Variants in TRPM3 observed in about 807,000 individuals in gnomAD.
The protein encoded by TRPM3 is long transient receptor potential channel 3.
In TRPM3, 77 loss-of-function variants were observed where a neutral mutation model predicts 181.2. The ratio of observed to expected loss-of-function variants is 0.42; its 90% confidence interval spans 0.35 to 0.51. The LOEUF (loss-of-function observed/expected upper bound fraction) is 0.51. TRPM3 is among the 20% of genes least tolerant of loss of function. The pLI, the probability that TRPM3 is intolerant of heterozygous loss-of-function variation, is 0.01. For missense variants in TRPM3, 1,759 were observed against 2,196.7 expected (o/e 0.80, Z 3.98); for synonymous variants, 745 against 796.4 (o/e 0.94, Z 1.09).
At chr9:70,925,690 G>T (rs2096714301) in intron 1 of TRPM3, among the ~76,000 whole-genome samples, 1 of 151,762 alleles carries the variant, frequency 6.6e-6, no homozygotes, top group Non-Finnish European at 1.5e-5. Context: ...TATATGCTGG[G>T]GTATCAGCAG....
At chr9:71,101,610 A>G (rs1253565698) in intron 1 of TRPM3, among the ~76,000 whole-genome samples, 1 of 152,184 alleles carries the variant, frequency 6.6e-6, no homozygotes, top group African/African-American at 2.4e-5. Flanking sequence ...ATATCACACA[A>G]AAAGTCTTTC....
intron 1 of TRPM3, among the ~76,000 whole-genome samples, chr9:71,365,096 C>T (rs2092292459): frequency 6.6e-6 from 1 of 152,144 alleles, no homozygotes; most frequent in African/African-American, 2.4e-5. Context: ...CTGACAAGGA[C>T]TTAAGCGCAG....
intron 1 of TRPM3, among the ~76,000 whole-genome samples, chr9:70,899,829 A>G (rs2096357672): frequency 6.6e-6 from 1 of 152,326 alleles, no homozygotes; most frequent in Non-Finnish European, 1.5e-5. Flanking sequence ...TCATGTTTGC[A>G]TAGAGAAGAT....
At chr9:71,117,721 C>A (rs961031433) in intron 1 of TRPM3, among the ~76,000 whole-genome samples, 6 of 152,092 alleles carry the variant, frequency 3.9e-5, no homozygotes, top group Admixed American at 6.5e-5. Context: ...TTAAAGTGAG[C>A]AAACTCATAT....
intron 1 of TRPM3, among the ~76,000 whole-genome samples, chr9:71,184,313 C>A (rs546139832): frequency 6.6e-6 from 1 of 152,138 alleles, no homozygotes; most frequent in Non-Finnish European, 1.5e-5. Flanking sequence ...CTTTACTCAA[C>A]GCTCATCCTT....
chr9:70,635,066 C>G (rs2074543561), intron 12 of TRPM3, 145 bp downstream of exon 12: 3 of 620,198 alleles, frequency 4.8e-6, no homozygotes, highest in Non-Finnish European at 8.4e-6. Context: ...CACATACACA[C>G]ACACACACAC....
intron 1 of TRPM3, among the ~76,000 whole-genome samples, chr9:71,102,281 G>T (rs138702239): frequency 2.4e-4 from 36 of 152,268 alleles, no homozygotes; most frequent in African/African-American, 8.7e-4. Context: ...ATTTCTAAGG[G>T]CTGAGAATGA....
chr9:70,835,186 G>A (rs1160233180), intron 5 of TRPM3, among the ~76,000 whole-genome samples: 1 of 152,030 alleles, frequency 6.6e-6, no homozygotes, highest in Non-Finnish European at 1.5e-5. Context: ...CAGGCATTAT[G>A]TTTCTCTTAC....
intron 1 of TRPM3, among the ~76,000 whole-genome samples, chr9:70,972,212 A>G (rs2097254503): frequency 6.6e-6 from 1 of 152,260 alleles, no homozygotes. Flanking sequence ...TATACAATAC[A>G]ACGAAATATT....
intron 1 of TRPM3, among the ~76,000 whole-genome samples, chr9:71,205,827 T>C (rs2079089568): frequency 6.6e-6 from 1 of 152,220 alleles, no homozygotes; most frequent in Non-Finnish European, 1.5e-5. Context: ...TTGAACTGTC[T>C]ACTGATAGTT....
chr9:71,037,459 T>C (rs2058342233), intron 1 of TRPM3, among the ~76,000 whole-genome samples: 1 of 152,266 alleles, frequency 6.6e-6, no homozygotes, highest in African/African-American at 2.4e-5. Context: ...AACATTTTTA[T>C]GTAAATATGT....
intron 1 of TRPM3, among the ~76,000 whole-genome samples, chr9:71,112,795 G>A (rs2071416069): frequency 6.6e-6 from 1 of 152,158 alleles, no homozygotes; most frequent in South Asian, 2.1e-4. Context: ...TGGACATGCA[G>A]GAGAGGCGAG....
intron 8 of TRPM3, among the ~76,000 whole-genome samples, chr9:70,686,764 T>C (rs2067008317): frequency 7.4e-6 from 1 of 135,704 alleles, no homozygotes; most frequent in Non-Finnish European, 1.6e-5. Flanking sequence ...TCTCCCTCCC[T>C]CCCTCCATCT....
intron 1 of TRPM3, among the ~76,000 whole-genome samples, chr9:70,975,672 G>A (rs2097295031): frequency 1.3e-5 from 2 of 152,158 alleles, no homozygotes; most frequent in African/African-American, 4.8e-5. Context: ...TTTGCATTCT[G>A]AGGTGTTAGA....
chr9:71,225,684 G>C (rs1006439775), intron 1 of TRPM3, among the ~76,000 whole-genome samples: 1 of 151,834 alleles, frequency 6.6e-6, no homozygotes, highest in African/African-American at 2.4e-5. Context: ...TTTTGAGATG[G>C]AGTCTTGCTG....
chr9:70,824,067 T>C (rs1387318838), intron 6 of TRPM3, among the ~76,000 whole-genome samples: 1 of 152,240 alleles, frequency 6.6e-6, no homozygotes, highest in African/African-American at 2.4e-5. Context: ...TGAAAAAGCA[T>C]TTATGAGTCT....
intron 5 of TRPM3, among the ~76,000 whole-genome samples, chr9:70,828,815 T>C (rs940659465): frequency 1.3e-5 from 2 of 152,064 alleles, no homozygotes; most frequent in African/African-American, 4.8e-5. Flanking sequence ...TTGTGTTCAT[T>C]TTGTAGGCGA....
chr9:70,701,235 A>G (rs1053260740), intron 8 of TRPM3, among the ~76,000 whole-genome samples: 2 of 152,230 alleles, frequency 1.3e-5, no homozygotes, highest in African/African-American at 2.4e-5. Flanking sequence ...ATCCATTATT[A>G]TCTTTTGTTG....
At chr9:70,663,358 C>T (rs1011839656) in intron 9 of TRPM3, among the ~76,000 whole-genome samples, 117 of 152,108 alleles carry the variant, frequency 7.7e-4, no homozygotes, top group African/African-American at 2.7e-3. Context: ...CCATGTTCAA[C>T]CCAAACCACC....
Sources: gnomAD v4.1 joint callset for allele counts (sites outside exome capture counted in the v4.1 genomes callset) on GRCh38, gnomAD v4.1.1 for gene constraint, MANE v1.5 for transcripts, NCBI Gene and HGNC (gene_info 2026-07-23, HGNC 2026-07-21) for gene names.